TSHZ1: variants seen among roughly 807,000 people sequenced by gnomAD.
TSHZ1 encodes the protein teashirt zinc finger homeobox 1, also known as teashirt homolog 1.
A neutral mutation model predicts 67.1 loss-of-function variants in TSHZ1; 12 were observed. That is an observed-to-expected ratio of 0.18 (90% CI 0.11 to 0.29). TSHZ1 has a LOEUF of 0.29. TSHZ1 is among the 10% of genes least tolerant of loss of function. The pLI is 1.00. For synonymous variants in TSHZ1, 632 were observed against 622.4 expected, an observed-to-expected ratio of 1.02 and a Z score of -0.23; for missense variants, 1,305 against 1,413.9, an observed-to-expected ratio of 0.92 and a Z score of 1.23.
chr18:75,212,807 G>C (rs1263139715), intron 1 of TSHZ1, among the ~76,000 whole-genome samples: 1 of 152,170 alleles, frequency 6.6e-6, no homozygotes, highest in Non-Finnish European at 1.5e-5. Flanking sequence ...CTAAACCTGG[G>C]GTGGGTCAGC....
At chr18:75,237,059 C>T (rs2023081700) in intron 1 of TSHZ1, among the ~76,000 whole-genome samples, 1 of 152,150 alleles carries the variant, frequency 6.6e-6, no homozygotes, top group South Asian at 2.1e-4. Context: ...CTGGCCTTTC[C>T]ACTAGGCGGC....
At chr18:75,227,594 G>A (rs1231047301) in intron 1 of TSHZ1, among the ~76,000 whole-genome samples, 6 of 152,206 alleles carry the variant, frequency 3.9e-5, no homozygotes, top group African/African-American at 1.4e-4. Flanking sequence ...GAAGAGTAGA[G>A]TTTTGCATTG....
chr18:75,237,875 T>G (rs888727747), intron 1 of TSHZ1, among the ~76,000 whole-genome samples: 2 of 152,020 alleles, frequency 1.3e-5, no homozygotes, highest in Non-Finnish European at 1.5e-5. Flanking sequence ...TGCAGTGGCG[T>G]GATCTCGCCT....
intron 1 of TSHZ1, among the ~76,000 whole-genome samples, chr18:75,246,328 C>T (rs985891272): frequency 1.3e-5 from 2 of 151,518 alleles, no homozygotes; most frequent in African/African-American, 4.9e-5. Flanking sequence ...CGTCTCTTCT[C>T]ATCTCAGGGC....
At chr18:75,234,858 T>C (rs2122540710) in intron 1 of TSHZ1, among the ~76,000 whole-genome samples, 1 of 152,374 alleles carries the variant, frequency 6.6e-6, no homozygotes, top group South Asian at 2.1e-4. Flanking sequence ...TGTGATATTT[T>C]AGATGGGTTT....
intron 1 of TSHZ1, among the ~76,000 whole-genome samples, chr18:75,246,480 A>C (rs1438091011): frequency 8.0e-6 from 1 of 125,576 alleles, no homozygotes; most frequent in Non-Finnish European, 1.7e-5. Flanking sequence ...ATATCCCTGT[A>C]TCAGGTCCAT....
chr18:75,265,261 T>C (rs1448058522), intron 1 of TSHZ1, among the ~76,000 whole-genome samples: 2 of 152,246 alleles, frequency 1.3e-5, no homozygotes, highest in East Asian at 3.8e-4. Flanking sequence ...TTCCTTTGGC[T>C]CGTCATGTAT....
chr18:75,272,540 CTT>C (rs1275111142), intron 1 of TSHZ1, among the ~76,000 whole-genome samples: 2 of 152,232 alleles, frequency 1.3e-5, no homozygotes, highest in Non-Finnish European at 2.9e-5. Flanking sequence ...GTGGCCTTCT[CTT>C]TGCCTAGAGA....
intron 1 of TSHZ1, among the ~76,000 whole-genome samples, chr18:75,263,637 G>A (rs544797016): frequency 1.3e-5 from 2 of 152,218 alleles, no homozygotes; most frequent in Non-Finnish European, 2.9e-5. Context: ...CCACAGAGAT[G>A]GTATTTTTTG....
chr18:75,289,375 T>G lies in TSHZ1; in HGVS notation c.*734T>G, dbSNP rs1323073715. ...GCAAAAAAAAAAGTATGCAAGCTAT[T>G]ATTTAAAAATGTGTAAAAATGCTAT... On this transcript the variant is annotated 3_prime_UTR_variant, in exon 2 of 2. Transcript: ENST00000580243. 6.0e-6 allele frequency: 1 copy of G among 166,980 alleles called. No homozygotes were observed. Among genetic ancestry groups the G allele is most frequent in the Non-Finnish European group, 1.5e-5 (1 of 68,134 alleles). 10.3% of individuals were successfully genotyped at this position (166,980 alleles called of 1,614,324 possible).
chr18:75,267,219 G>A (rs551213000), intron 1 of TSHZ1, among the ~76,000 whole-genome samples: 12 of 152,292 alleles, frequency 7.9e-5, no homozygotes, highest in African/African-American at 2.4e-4. Flanking sequence ...ATAATCCTGC[G>A]AAAGCTGGTG....
chr18:75,286,292 G>A lies in TSHZ1; in HGVS notation c.885G>A (p.Met295Ile), dbSNP rs2023761858. 6.2e-7 allele frequency: 1 copy of A among 1,612,880 alleles called. No individual in the cohort carries two copies. Among genetic ancestry groups the A allele is most frequent in the African/African-American group, 1.3e-5 (1 of 74,890 alleles). The change falls in exon 2 of 2, where the codon ATG becomes ATA. Residue 295 changes from methionine to isoleucine, a missense_variant. Physicochemically the swap from Met to Ile is conservative, Grantham distance 10. Coordinates refer to ENST00000580243, the MANE Select transcript of TSHZ1 (RefSeq NM_001308210.2). This position sits in a 1 kb window ranked among gnomAD's most constrained non-coding sequence, Gnocchi z 5.1. ...CCAAGCCCAGGAAGCGCTCCCTGAT[G>A]GAGATGGAGGGGAAGGAGGATGCCC... The part of the protein sequence containing the change: ...RWSKPRKRSL[M>I]EMEGKEDAQK...
At chr18:75,263,567 G>A (rs542566677) in intron 1 of TSHZ1, among the ~76,000 whole-genome samples, 45 of 152,286 alleles carry the variant, frequency 3.0e-4, no homozygotes, top group Admixed American at 8.5e-4. Flanking sequence ...TAGTGATGGT[G>A]CCAAGAGACA....
intron 1 of TSHZ1, among the ~76,000 whole-genome samples, chr18:75,274,441 T>C (rs2023592792): frequency 6.6e-6 from 1 of 152,090 alleles, no homozygotes; most frequent in Non-Finnish European, 1.5e-5. Context: ...TGGCCTCTCT[T>C]ATAAAAATCT....
rs2581640 is a variant in TSHZ1 at position 75,285,590 on chromosome 18, C to T, written c.183C>T (p.Asn61=). 9.3e-6 allele frequency: 15 copies of T among 1,606,312 alleles called. No individual in the cohort carries two copies. The South Asian group carries it at 9.9e-5, about 11-fold the overall frequency. ...TEIKEAQSYQ[N]SPVSSATNQD... is the part of the protein sequence containing the mutation. ...TCAAAGAGGCGCAGAGCTACCAGAA[C>T]TCCCCAGTCAGCTCTGCGACTAACC... is the stretch of plus-strand genomic sequence containing the variant. Residue 61 remains asparagine, a synonymous_variant, in exon 2 of 2, where the codon AAC becomes AAT. Transcript: ENST00000580243.
intron 1 of TSHZ1, among the ~76,000 whole-genome samples, chr18:75,225,331 TG>T (rs2022910054): frequency 1.3e-5 from 2 of 152,242 alleles, no homozygotes; most frequent in South Asian, 4.1e-4. Flanking sequence ...AGCAATTTCT[TG>T]AACACCTACT....
At chr18:75,249,708 T>C (rs1371094019) in intron 1 of TSHZ1, among the ~76,000 whole-genome samples, 1 of 140,336 alleles carries the variant, frequency 7.1e-6, no homozygotes, top group East Asian at 2.2e-4. Flanking sequence ...CTGCAGTAGG[T>C]AGGGGTGAGG....
intron 1 of TSHZ1, among the ~76,000 whole-genome samples, chr18:75,259,041 A>G (rs2023398016): frequency 1.3e-5 from 2 of 152,214 alleles, no homozygotes; most frequent in African/African-American, 4.8e-5. Context: ...CCCTCAAGGT[A>G]ACCAATAGGA....
chr18:75,254,758 T>C, intron 1 of TSHZ1, among the ~76,000 whole-genome samples: 1 of 152,238 alleles, frequency 6.6e-6, no homozygotes, highest in South Asian at 2.1e-4. Context: ...TCTTTGCCCT[T>C]TCTGGTTATC....
Sources: allele counts gnomAD v4.1 joint callset (sites outside exome capture counted in the v4.1 genomes callset), GRCh38; gene constraint gnomAD v4.1.1; non-coding constraint Gnocchi (gnomAD v3.1); transcripts MANE v1.5; gene names NCBI Gene and HGNC (gene_info 2026-07-23, HGNC 2026-07-21).